NTNG2: variants seen among roughly 807,000 people sequenced by gnomAD.
NTNG2 encodes the protein netrin-G2.
A neutral mutation model predicts 47.6 loss-of-function variants in NTNG2; 15 were observed. That is an observed-to-expected ratio of 0.32 (90% CI 0.21 to 0.49). The LOEUF (loss-of-function observed/expected upper bound fraction) is 0.49, where lower values mean the gene tolerates loss of function less well. Among genes scored for constraint, NTNG2 ranks in the 20% least tolerant of loss-of-function variants. The probability of loss-of-function intolerance (pLI) is 0.99; values close to 1 mark genes in which losing one functional copy is unlikely to be tolerated. For missense variants in NTNG2, 578 were observed against 764.6 expected (o/e 0.76, Z 2.88); for synonymous variants, 307 against 324.6 (o/e 0.95, Z 0.58).
chr9:132,229,547 G>A (rs759612086), intron 4 of NTNG2, among the ~76,000 whole-genome samples: 3 of 152,154 alleles, frequency 2.0e-5, no homozygotes, highest in African/African-American at 4.8e-5. Context: ...CCCGTGCCCT[G>A]CCTGATGTCC....
chr9:132,225,698 T>C (rs955729257), intron 3 of NTNG2, among the ~76,000 whole-genome samples: 1 of 152,222 alleles, frequency 6.6e-6, no homozygotes, highest in African/African-American at 2.4e-5. Flanking sequence ...ATACGTTCCA[T>C]TTGTTTGCGT....
At chr9:132,214,462 G>C (rs888375492) in intron 3 of NTNG2, among the ~76,000 whole-genome samples, 4 of 152,232 alleles carry the variant, frequency 2.6e-5, no homozygotes, top group Non-Finnish European at 4.4e-5. Context: ...GAGAACTGGT[G>C]TTATCTGGGC....
At chr9:132,186,235 T>C (rs1165796493) in intron 2 of NTNG2, among the ~76,000 whole-genome samples, 3 of 152,066 alleles carry the variant, frequency 2.0e-5, no homozygotes, top group African/African-American at 4.8e-5. Context: ...CAGACGCCCA[T>C]GTGTCTGGTC....
rs1340294208 is a variant in NTNG2, at chr9:132,215,535, G to A, written c.858-11314G>A. 6.6e-6 allele frequency among the ~76,000 whole-genome samples: 1 copy of A among 152,084 alleles called. No individual in the cohort carries two copies. Among genetic ancestry groups the A allele is most frequent in the Non-Finnish European group, 1.5e-5 (1 of 68,016 alleles). ...GTGGAGGTTGAAGTGAGCCAAGATC[G>A]AACCACTGCACTCCGGTCTAGATGA... On this transcript the variant is annotated intron_variant, in intron 3 of 7. Coordinates refer to ENST00000393229, the MANE Select transcript of NTNG2 (RefSeq NM_032536.4). This position sits in a 1 kb window ranked among gnomAD's most constrained non-coding sequence, Gnocchi z 4.2.
rs1840778906 is a variant in NTNG2 at position 132,226,653 on chromosome 9, C to G, written c.858-196C>G. ...GTGACTGCAGGTGTGGCCTTTGGAA[C>G]ACGGCGTTGATCTCTCTGCAGGAAG... On this transcript the variant is annotated intron_variant, in intron 3 of 7. Transcript: ENST00000393229. This position sits in a 1 kb window ranked among gnomAD's most constrained non-coding sequence, Gnocchi z 4.8. 6.6e-6 allele frequency among the ~76,000 whole-genome samples: 1 copy of G among 152,366 alleles called. No homozygotes were observed. The highest frequency in any genetic ancestry group is 2.4e-5 in the African/African-American group (1 of 41,600).
chr9:132,175,574 C>T (rs370674682), intron 2 of NTNG2, among the ~76,000 whole-genome samples: 29 of 152,324 alleles, frequency 1.9e-4, no homozygotes, highest in African/African-American at 6.0e-4. Flanking sequence ...GCAGATGATG[C>T]GGGAACCGGT....
intron 2 of NTNG2, among the ~76,000 whole-genome samples, chr9:132,193,920 C>T (rs1344901351): frequency 1.3e-5 from 2 of 152,140 alleles, no homozygotes; most frequent in Non-Finnish European, 2.9e-5. Flanking sequence ...TGCCTTCAAA[C>T]GGCCTTTTCT....
At position 132,182,008 on chromosome 9, in the gene NTNG2, T is replaced by C. The variant is rs553298564; in HGVS notation, c.213+14964T>C. On this transcript the variant is annotated intron_variant, in intron 2 of 7. Coordinates refer to ENST00000393229, the MANE Select transcript of NTNG2 (RefSeq NM_032536.4). This position sits in a 1 kb window ranked among gnomAD's most constrained non-coding sequence, Gnocchi z 4.2. ...CAGCCATGTGTGCTGGTGAGCATAC[T>C]GTCCCTGTCAGCCTCTCCTCCCCCA... Among the ~76,000 whole-genome samples the C allele has an allele frequency of 9.2e-5, 14 of 152,348 alleles. No homozygotes were observed. In the South Asian group the frequency reaches 2.5e-3, roughly 27 times the overall value.
Position 132,206,832 on chromosome 9 carries a change from C to T in NTNG2, c.857+8223C>T, listed in dbSNP as rs75182564. ...AGCGGGCATGCACGATTCCAGACCACATCAGCCTCCACTGAGAAGTGCCGG... is the reference window on the plus strand; with the variant it reads ...AGCGGGCATGCACGATTCCAGACCATATCAGCCTCCACTGAGAAGTGCCGG... On this transcript the variant is annotated intron_variant, in intron 3 of 7. Coordinates refer to ENST00000393229, the MANE Select transcript of NTNG2 (RefSeq NM_032536.4). Among the ~76,000 whole-genome samples, 19 of 152,388 alleles carry T rather than the reference C, an allele frequency of 1.2e-4. No individual in the cohort carries two copies. In the East Asian group the frequency reaches 3.3e-3, roughly 26 times the overall value.
intron 2 of NTNG2, among the ~76,000 whole-genome samples, chr9:132,186,681 ACC>A (rs779981225): frequency 1.3e-5 from 2 of 152,316 alleles, no homozygotes; most frequent in East Asian, 3.9e-4. Context: ...TGTGGGGGCA[ACC>A]CGAATTGGTG....
Position 132,218,653 on chromosome 9 carries a change from C to T in NTNG2, c.858-8196C>T, listed in dbSNP as rs1402288820. Among the ~76,000 whole-genome samples the T allele has an allele frequency of 6.6e-6, 1 of 152,070 alleles. No homozygotes were observed. Among genetic ancestry groups the T allele is most frequent in the South Asian group, 2.1e-4 (1 of 4,824 alleles). ...CTGGGATTACAGGCGCATGCCACCA[C>T]ACCCAGCTAATTTTTGTATTTTTAG... On this transcript the variant is annotated intron_variant, in intron 3 of 7. Transcript: ENST00000393229. The surrounding 1 kb of genome is among the most constrained non-coding windows in gnomAD (Gnocchi z 5.4).
rs777591838 is a variant in NTNG2 at position 132,226,642 on chromosome 9, G to A, written c.858-207G>A. Among the ~76,000 whole-genome samples, 8 of 152,236 alleles carry A rather than the reference G, an allele frequency of 5.3e-5. No homozygotes were observed. The highest frequency in any genetic ancestry group is 8.8e-5 in the Non-Finnish European group (6 of 68,048). Reference sequence around the variant, plus strand: ...AGAGCCGCGCAGTGACTGCAGGTGTGGCCTTTGGAACACGGCGTTGATCTC... The same window carrying A: ...AGAGCCGCGCAGTGACTGCAGGTGTAGCCTTTGGAACACGGCGTTGATCTC... On this transcript the variant is annotated intron_variant, in intron 3 of 7. Coordinates refer to ENST00000393229, the MANE Select transcript of NTNG2 (RefSeq NM_032536.4). The surrounding 1 kb of genome is among the most constrained non-coding windows in gnomAD (Gnocchi z 4.8).
In NTNG2 at chr9:132,236,767, T is replaced by C. The variant is rs1025697145; in HGVS notation, c.1055-2337T>C. On this transcript the variant is annotated intron_variant, in intron 5 of 7. Transcript: ENST00000393229. This position sits in a 1 kb window ranked among gnomAD's most constrained non-coding sequence, Gnocchi z 4.3. The stretch of plus-strand genomic sequence containing the variant: ...CAAGGTAGTGACGATCCCGGGACAG[T>C]GGCCTGCTCACCCACAGATAGGGCG... Among the ~76,000 whole-genome samples the C allele has an allele frequency of 5.3e-5, 8 of 152,256 alleles. No homozygotes were observed. The highest frequency in any genetic ancestry group is 1.9e-4 in the African/African-American group (8 of 41,560).
rs575489060 is a variant in NTNG2 at position 132,236,076 on chromosome 9, T to G, written c.1055-3028T>G. Among the ~76,000 whole-genome samples the G allele has an allele frequency of 2.0e-5, 3 of 152,200 alleles. No individual in the cohort carries two copies. The highest frequency in any genetic ancestry group is 7.2e-5 in the African/African-American group (3 of 41,456). On this transcript the variant is annotated intron_variant, in intron 5 of 7. Transcript: ENST00000393229. The surrounding 1 kb of genome is among the most constrained non-coding windows in gnomAD (Gnocchi z 4.3). ...GCCTCCCACGACAGGAACCCCCCTC[T>G]CCAGCTGCCCTTGCTCACAGGACAC... is the stretch of plus-strand genomic sequence containing the variant.
chr9:132,240,765 C>A, intron 6 of NTNG2, 145 bp from the exon 7 acceptor site: 1 of 1,271,116 alleles, frequency 7.9e-7, no homozygotes, highest in African/African-American at 1.5e-5. Context: ...ACCTGCCGTC[C>A]AGCCGCGGGC....
intron 3 of NTNG2, among the ~76,000 whole-genome samples, chr9:132,214,874 A>ATT (rs60721815): frequency 1.3e-5 from 2 of 149,442 alleles, no homozygotes; most frequent in Non-Finnish European, 3.0e-5. Flanking sequence ...TTCAAAAAAA[A>ATT]TTTTTTTTTT....
chr9:132,234,662 T>C (rs1459798832), intron 5 of NTNG2, among the ~76,000 whole-genome samples: 1 of 152,242 alleles, frequency 6.6e-6, no homozygotes, highest in Non-Finnish European at 1.5e-5. Flanking sequence ...AAAACGCCGC[T>C]GGAGACACTA....
intron 3 of NTNG2, among the ~76,000 whole-genome samples, chr9:132,210,347 CT>C: frequency 6.6e-6 from 1 of 152,168 alleles, no homozygotes; most frequent in Middle Eastern, 3.2e-3. Context: ...CCATTGATCC[CT>C]TGAAGGAGTC....
intron 3 of NTNG2, among the ~76,000 whole-genome samples, chr9:132,216,390 C>CTT (rs1839972769): frequency 1.2e-5 from 1 of 84,952 alleles, no homozygotes; most frequent in Non-Finnish European, 2.1e-5. Context: ...GCCTCTCTCT[C>CTT]TCTCTCTCTC....
Sources: gnomAD v4.1 joint callset for allele counts (sites outside exome capture counted in the v4.1 genomes callset) on GRCh38, gnomAD v4.1.1 for gene constraint, Gnocchi (gnomAD v3.1) non-coding constraint, MANE v1.5 for transcripts, NCBI Gene and HGNC (gene_info 2026-07-23, HGNC 2026-07-21) for gene names.